APOL3: variants seen among roughly 807,000 people sequenced by gnomAD.
APOL3 encodes apolipoprotein L3.
In APOL3, 14 loss-of-function variants were observed where a neutral mutation model predicts 11.6. The ratio of observed to expected loss-of-function variants is 1.21; its 90% CI spans 0.80 to 1.89. The LOEUF is 1.89. Ranked by LOEUF, APOL3 falls within the 40% of genes most tolerant of loss-of-function variation. The pLI is 0.00. For missense variants in APOL3, 483 were observed against 492.1 expected (o/e 0.98, Z 0.17); for synonymous variants, 192 against 190.6 (o/e 1.01, Z -0.06).
At chr22:36,161,076 C>T (rs1050181466), upstream of APOL3, 59 of 613,594 alleles carry the variant, frequency 9.6e-5, no homozygotes, top group African/African-American at 7.2e-4. Flanking sequence ...CCCAATAACA[C>T]CACACTCCCC....
At chr22:36,150,029 C>T in intron 1 of APOL3, 1 of 396,034 alleles carries the variant, frequency 2.5e-6, no homozygotes, top group South Asian at 1.9e-5. Flanking sequence ...CAGAGCTGGT[C>T]TCCAACTCCT....
At chr22:36,160,676 G>T (rs774539593) in exon 1 of APOL3, 1 of 1,614,050 alleles carries the variant, frequency 6.2e-7, no homozygotes, top group African/African-American at 1.3e-5. Flanking sequence ...TACCAAGGAA[G>T]CTTCTCTTGA....
intron 1 of APOL3, chr22:36,156,780 C>T (rs867259404): frequency 8.7e-6 from 3 of 344,190 alleles, no homozygotes; most frequent in Admixed American, 3.6e-5. Context: ...TCTGTCTCCC[C>T]GTTAAACTCT....
intron 2 of APOL3, among the ~76,000 whole-genome samples, chr22:36,144,157 G>GGA (rs2060101116): frequency 6.6e-6 from 1 of 152,086 alleles, no homozygotes; most frequent in Non-Finnish European, 1.5e-5. Flanking sequence ...AATCAGGGAG[G>GGA]GAAGAAATAT....
intron 1 of APOL3, chr22:36,149,811 T>G (rs1229805749): frequency 2.2e-6 from 1 of 456,032 alleles, no homozygotes; most frequent in African/African-American, 2.0e-5. Context: ...ATCTGTGTCT[T>G]GCACTCTATG....
chr22:36,161,995 C>T (rs901793029), upstream of APOL3, among the ~76,000 whole-genome samples: 2 of 151,748 alleles, frequency 1.3e-5, no homozygotes, highest in Non-Finnish European at 2.9e-5. Flanking sequence ...AGTGATGGCC[C>T]TCAGGAAACC....
chr22:36,163,779 C>T (rs2013791689), upstream of APOL3, among the ~76,000 whole-genome samples: 1 of 152,222 alleles, frequency 6.6e-6, no homozygotes, highest in African/African-American at 2.4e-5. Flanking sequence ...TCTGGATTGC[C>T]AGCTGCATCC....
Position 36,151,307 on chromosome 22 carries a change from T to C in APOL3, c.224-5708A>G, listed in dbSNP as rs78014535. 5.1e-3 allele frequency among the ~76,000 whole-genome samples: 774 copies of C among 151,914 alleles called. 3 individuals carry two copies. Among genetic ancestry groups the C allele is most frequent in the Non-Finnish European group, 8.4e-3 (571 of 67,934 alleles). ...TCAGATAAAGCAGAAAGACAAAAAA[T>C]GGGGAAAAGGTCAAGATAACAAGTA... On this transcript the variant is annotated intron_variant, in intron 1 of 2. Coordinates refer to ENST00000349314, the Ensembl canonical transcript of APOL3.
chr22:36,148,840 C>T (rs2146804703), intron 1 of APOL3, among the ~76,000 whole-genome samples: 1 of 152,344 alleles, frequency 6.6e-6, no homozygotes, highest in East Asian at 1.9e-4. Flanking sequence ...CTGGGCCATG[C>T]TCCCCTGAGG....
intron 1 of APOL3, among the ~76,000 whole-genome samples, chr22:36,151,133 A>G (rs906668975): frequency 2.0e-5 from 3 of 152,182 alleles, no homozygotes; most frequent in Non-Finnish European, 1.5e-5. Context: ...GTCTACACCA[A>G]TGGAAAAAAT....
rs556074273 is a variant in APOL3, at chr22:36,144,844, C to T, written c.350+629G>A. Among the ~76,000 whole-genome samples the T allele has an allele frequency of 2.3e-4, 35 of 151,720 alleles. 1 individual carries two copies. The South Asian group carries it at 5.4e-3, about 24-fold the overall frequency. On this transcript the variant is annotated intron_variant, in intron 2 of 2. Transcript: ENST00000349314. ...CTAACACGATGAAACCCCGTCTGTA[C>T]TAAAAATACAAAAAAAAATAGCCGG... is the stretch of plus-strand genomic sequence containing the variant.
chr22:36,150,481 A>G (rs534464092), intron 1 of APOL3, among the ~76,000 whole-genome samples: 1 of 152,318 alleles, frequency 6.6e-6, no homozygotes, highest in South Asian at 2.1e-4. Flanking sequence ...CGACTTGCCC[A>G]ATCTCAGAAA....
chr22:36,166,076 C>G (rs1417791386), exon 1 of APOL3: 1 of 152,214 alleles, frequency 6.6e-6, no homozygotes, highest in Non-Finnish European at 1.5e-5. Context: ...TAAAGGGGCA[C>G]ATGCCCAGTA....
At chr22:36,151,423 T>C (rs1046218833) in intron 1 of APOL3, among the ~76,000 whole-genome samples, 1 of 152,170 alleles carries the variant, frequency 6.6e-6, no homozygotes, top group African/African-American at 2.4e-5. Flanking sequence ...TAAAAATGTT[T>C]TATTCATAAA....
rs373181444 is a variant in APOL3, at chr22:36,147,762, G to A, written c.224-2163C>T. Among the ~76,000 whole-genome samples the A allele has an allele frequency of 3.3e-5, 5 of 152,336 alleles. No individual in the cohort carries two copies. The East Asian group carries it at 7.7e-4, about 23-fold the overall frequency. On this transcript the variant is annotated intron_variant, in intron 1 of 2. Coordinates refer to ENST00000349314, the Ensembl canonical transcript of APOL3. ...AGGGAACCTCCAGCACTAGATCTGT[G>A]TATTTATTGCTGGGGTGGGAGTACC...
chr22:36,150,945 T>C (rs571888922), intron 1 of APOL3, among the ~76,000 whole-genome samples: 3 of 152,096 alleles, frequency 2.0e-5, no homozygotes, highest in Admixed American at 2.0e-4. Flanking sequence ...CTTCAACAGA[T>C]ATTTGGAAGA....
At chr22:36,142,590 T>C (rs1035999236) in intron 2 of APOL3, among the ~76,000 whole-genome samples, 2 of 152,156 alleles carry the variant, frequency 1.3e-5, no homozygotes, top group Non-Finnish European at 2.9e-5. Flanking sequence ...CAGCACAGTA[T>C]AGCAATGTTA....
Position 36,141,309 on chromosome 22 carries a change from GC to G in APOL3, c.1099del (p.Ala367GlnfsTer9). 6.2e-7 allele frequency: 1 copy of G among 1,614,130 alleles called. No homozygotes were observed. Among genetic ancestry groups the G allele is most frequent in the African/African-American group, 1.3e-5 (1 of 75,030 alleles). Reference sequence around the variant, plus strand: ...CAGCTCCTCAGCAGATGCAGACTTTGCCCCCTCATGCAAGTGCTTTGACTCG... The same window carrying G: ...CAGCTCCTCAGCAGATGCAGACTTTGCCCCTCATGCAAGTGCTTTGACTCG... On this transcript the variant is annotated frameshift_variant, in exon 3 of 3. Transcript: ENST00000349314. LOFTEE classifies it low-confidence loss of function (END_TRUNC).
intron 2 of APOL3, among the ~76,000 whole-genome samples, chr22:36,144,599 C>T (rs768406875): frequency 8.5e-5 from 13 of 152,168 alleles, no homozygotes; most frequent in Non-Finnish European, 1.9e-4. Flanking sequence ...TGTGTTTGTG[C>T]AGTTCCTCAG....
Sources: gnomAD v4.1 joint callset for allele counts (sites outside exome capture counted in the v4.1 genomes callset) on GRCh38, gnomAD v4.1.1 for gene constraint, MANE v1.5 for transcripts, NCBI Gene and HGNC (gene_info 2026-07-23, HGNC 2026-07-21) for gene names.